TSNARE1: variants seen among roughly 807,000 people sequenced by gnomAD.
TSNARE1 encodes the protein t-SNARE domain-containing protein 1.
A neutral mutation model predicts 62.0 loss-of-function variants in TSNARE1; 49 were observed. The observed-to-expected ratio is 0.79, with a 90% CI of 0.63 to 1.00. TSNARE1 has a LOEUF of 1.00. Ranked by LOEUF, TSNARE1 falls within the 50% of genes least tolerant of loss-of-function variation. The pLI is 0.00. For missense variants in TSNARE1, 755 were observed against 700.1 expected (o/e 1.08, Z -0.88); for synonymous variants, 328 against 294.4 (o/e 1.11, Z -1.17).
chr8:142,223,313 C>CTCAT (rs1248245417), intron 13 of TSNARE1, among the ~76,000 whole-genome samples: 5 of 62,800 alleles, frequency 8.0e-5, no homozygotes, highest in Admixed American at 1.5e-4. Context: ...CACTCATTCA[C>CTCAT]TCACTCATTC....
At chr8:142,280,275 C>T (rs759469918) in intron 11 of TSNARE1, 13 of 985,180 alleles carry the variant, frequency 1.3e-5, no homozygotes, top group Admixed American at 6.1e-5. Flanking sequence ...CTGCCGCGGC[C>T]GGCTCGGGGC....
In TSNARE1 at chr8:142,221,011, G is replaced by A. The variant is rs1361417513; in HGVS notation, c.*11+8462C>T. On this transcript the variant is annotated intron_variant, in intron 13 of 13. Transcript: ENST00000524325. ...TGGTGCATTGTCACGTCCCGTAAAT[G>A]CCTGGTGTGTGAACGCTGCACTCCT... is the stretch of plus-strand genomic sequence containing the variant. Among the ~76,000 whole-genome samples, 4 of 152,206 alleles carry A rather than the reference G, an allele frequency of 2.6e-5. 1 individual carries two copies. The highest frequency in any genetic ancestry group is 5.9e-5 in the Non-Finnish European group (4 of 68,030).
At position 142,318,597 on chromosome 8, in the gene TSNARE1, C is replaced by A. The variant is rs959141478; in HGVS notation, c.931G>T (p.Ala311Ser). The change falls in exon 7 of 14, where the codon GCC becomes TCC. Residue 311 changes from alanine to serine, a missense_variant. Coordinates refer to ENST00000524325, the MANE Select transcript of TSNARE1 (RefSeq NM_145003.5). The part of the protein sequence containing the change: ...AQQETNKTIA[A>S]SASSVKQMAE... ...ATCTGCTTCACGGAGCTGGCGCTGG[C>A]TGCAATGGTCTTGTTGGTCTCCTGC... is the stretch of plus-strand genomic sequence containing the variant. The A allele has an allele frequency of 6.2e-7, 1 of 1,613,610 alleles. No homozygotes were observed. Among genetic ancestry groups the A allele is most frequent in the African/African-American group, 1.3e-5 (1 of 74,864 alleles).
chr8:142,384,982 A>C (rs1157922562), intron 1 of TSNARE1, among the ~76,000 whole-genome samples: 1 of 152,194 alleles, frequency 6.6e-6, no homozygotes, highest in Non-Finnish European at 1.5e-5. Context: ...CTACAACTCA[A>C]CAACAACAAA....
intron 1 of TSNARE1, among the ~76,000 whole-genome samples, chr8:142,380,090 G>A (rs1476958335): frequency 6.6e-6 from 1 of 152,196 alleles, no homozygotes; most frequent in Non-Finnish European, 1.5e-5. Context: ...TAAGAGTGGG[G>A]AGGTGGGTGG....
At chr8:142,284,225 G>A (rs866749100) in intron 11 of TSNARE1, among the ~76,000 whole-genome samples, 188 bp downstream of exon 11, 3 of 152,322 alleles carry the variant, frequency 2.0e-5, no homozygotes, top group Middle Eastern at 3.4e-3. Flanking sequence ...TAGTGGCAAC[G>A]AGCGGAGCAG....
intron 11 of TSNARE1, among the ~76,000 whole-genome samples, chr8:142,284,066 G>C (rs1469552565): frequency 7.2e-6 from 1 of 137,956 alleles, no homozygotes; most frequent in South Asian, 2.7e-4. Context: ...AATGAGCAGA[G>C]TGGGGGCTAG....
intron 11 of TSNARE1, chr8:142,280,088 G>C: frequency 1.7e-6 from 2 of 1,192,340 alleles, no homozygotes; most frequent in Non-Finnish European, 2.1e-6. Context: ...CTCCACACGC[G>C]GTGCTTTCGG....
intron 12 of TSNARE1, among the ~76,000 whole-genome samples, chr8:142,236,675 C>A (rs1311147249): frequency 1.3e-5 from 2 of 152,184 alleles, no homozygotes; most frequent in African/African-American, 4.8e-5. Context: ...CAGATGAGCT[C>A]ATCCCTGACC....
chr8:142,223,128 A>AC (rs1563756796), intron 13 of TSNARE1, among the ~76,000 whole-genome samples: 1 of 57,716 alleles, frequency 1.7e-5, no homozygotes, highest in Non-Finnish European at 3.4e-5. Flanking sequence ...TCATTCACTC[A>AC]TTCACTCATT....
upstream of TSNARE1, chr8:142,404,658 C>T (rs1381389412): frequency 2.0e-5 from 3 of 152,288 alleles, no homozygotes; most frequent in Non-Finnish European, 1.5e-5. Flanking sequence ...GCTAGGACAG[C>T]TAGAGTGCAG....
chr8:142,238,500 G>A (rs1365118545), intron 12 of TSNARE1, among the ~76,000 whole-genome samples: 2 of 150,228 alleles, frequency 1.3e-5, no homozygotes, highest in Admixed American at 6.6e-5. Context: ...AGCAAATGCC[G>A]GAATCTGAGG....
chr8:142,310,825 GC>G (rs1827456586), intron 9 of TSNARE1, among the ~76,000 whole-genome samples: 1 of 151,920 alleles, frequency 6.6e-6, no homozygotes. Context: ...TTTTTATCAT[GC>G]TATGACCAAG....
At chr8:142,242,023 T>C (rs4599929) in intron 12 of TSNARE1, among the ~76,000 whole-genome samples, 2,683 of 144,548 alleles carry the variant, frequency 0.019, 2 homozygotes, top group South Asian at 0.03. Context: ...CAACTCAAAA[T>C]GGATGGAAGA....
At chr8:142,394,468 G>C (rs542675270) in intron 1 of TSNARE1, among the ~76,000 whole-genome samples, 70 of 152,224 alleles carry the variant, frequency 4.6e-4, no homozygotes, top group African/African-American at 1.6e-3. Context: ...GTAAAGGGAG[G>C]GACGATGATG....
intron 6 of TSNARE1, among the ~76,000 whole-genome samples, chr8:142,329,809 AAC>A (rs1347614744): frequency 6.6e-6 from 1 of 152,228 alleles, no homozygotes; most frequent in African/African-American, 2.4e-5. Context: ...CACATCAGAA[AAC>A]ACTTAAGTTT....
At chr8:142,345,611 G>A in intron 3 of TSNARE1, 132 bp downstream of exon 3, 1 of 1,106,924 alleles carries the variant, frequency 9.0e-7, no homozygotes, top group Non-Finnish European at 1.3e-6. Flanking sequence ...GGGGGCAGGG[G>A]ATGCAGGTCC....
chr8:142,295,367 T>C (rs1166200085), intron 10 of TSNARE1, among the ~76,000 whole-genome samples: 1 of 152,222 alleles, frequency 6.6e-6, no homozygotes, highest in Non-Finnish European at 1.5e-5. Flanking sequence ...GAAGTGGGCA[T>C]GGTGTCCTCC....
intron 11 of TSNARE1, 76 bp downstream of exon 11, chr8:142,284,337 T>G: frequency 2.5e-6 from 3 of 1,220,888 alleles, no homozygotes; most frequent in South Asian, 1.2e-5. Flanking sequence ...CACCCTTAGG[T>G]GAAGGGGTGA....
Sources: gnomAD v4.1 joint callset for allele counts (sites outside exome capture counted in the v4.1 genomes callset) on GRCh38, gnomAD v4.1.1 for gene constraint, MANE v1.5 for transcripts, NCBI Gene and HGNC (gene_info 2026-07-23, HGNC 2026-07-21) for gene names.